The following LHFPL6 variants were observed in gnomAD, a reference collection of about 807,000 sequenced individuals.
LHFPL6 encodes the protein LHFPL tetraspan subfamily member 6 protein.
A neutral mutation model predicts 20.6 loss-of-function variants in LHFPL6; 9 were observed. That is an observed-to-expected ratio of 0.44 (90% CI 0.26 to 0.76). The LOEUF is 0.76. Among genes scored for constraint, LHFPL6 ranks in the 30% least tolerant of loss-of-function variants. The pLI is 0.20. For missense variants in LHFPL6, 218 were observed against 253.5 expected (o/e 0.86, Z 0.95); for synonymous variants, 105 against 98.7 (o/e 1.06, Z -0.38).
At position 39,603,033 on chromosome 13, in the gene LHFPL6, C is replaced by T. The variant is rs1873019759; in HGVS notation, c.-325G>A. 1 of 152,526 alleles carries T rather than the reference C, an allele frequency of 6.6e-6. No homozygotes were observed. The highest frequency in any genetic ancestry group is 2.4e-5 in the African/African-American group (1 of 41,448). 9.4% of individuals were successfully genotyped at this position (152,526 alleles called of 1,614,324 possible). On this transcript the variant is annotated 5_prime_UTR_variant, in exon 1 of 4. Coordinates refer to ENST00000379589, the MANE Select transcript of LHFPL6 (RefSeq NM_005780.3). Reference sequence around the variant, plus strand: ...ACAGCCGCAGAACCCCGGGGCCCGACCTGGAAGAGCAGGGGTTGGCAGGAG... The same window carrying T: ...ACAGCCGCAGAACCCCGGGGCCCGATCTGGAAGAGCAGGGGTTGGCAGGAG...
At chr13:39,474,649 C>A (rs979366776) in intron 2 of LHFPL6, among the ~76,000 whole-genome samples, 1 of 151,800 alleles carries the variant, frequency 6.6e-6, no homozygotes, top group African/African-American at 2.4e-5. Context: ...TCTGAATTGG[C>A]AATGAACAAA....
chr13:39,557,673 T>C (rs1420431507), intron 2 of LHFPL6, among the ~76,000 whole-genome samples: 1 of 152,266 alleles, frequency 6.6e-6, no homozygotes, highest in African/African-American at 2.4e-5. Flanking sequence ...TTTGGATATC[T>C]GACCCCTGCA....
chr13:39,602,802 A>G (rs538665999), intron 1 of LHFPL6, 81 bp downstream of exon 1: 3 of 152,186 alleles, frequency 2.0e-5, no homozygotes, highest in Admixed American at 6.5e-5. Flanking sequence ...GAGCAGCCCA[A>G]CTCCGGCTCC....
chr13:39,385,159 G>C (rs1467151176), intron 2 of LHFPL6, among the ~76,000 whole-genome samples: 1 of 152,196 alleles, frequency 6.6e-6, no homozygotes, highest in Non-Finnish European at 1.5e-5. Context: ...AAGGCCATGG[G>C]GAAGATTGTT....
rs566377809 is a variant in LHFPL6 at position 39,598,679 on chromosome 13, CGAA to C, written c.385+2150_385+2152del. ...CACGCCATTCTCCTGCCTCAGCCTC[CGAA>C]GTAGCAGGGACTACAGGCGCCCACC... On this transcript the variant is annotated intron_variant, in intron 2 of 3. Coordinates refer to ENST00000379589, the MANE Select transcript of LHFPL6 (RefSeq NM_005780.3). 7.8e-3 allele frequency among the ~76,000 whole-genome samples: 1,181 copies of C among 152,222 alleles called. 9 individuals are homozygous for C. The highest frequency in any genetic ancestry group is 0.022 in the South Asian group (105 of 4,822).
In LHFPL6 at chr13:39,343,873, G is replaced by A. The variant is rs562111601; in HGVS notation, c.*63C>T. 92 of 1,238,692 alleles carry A rather than the reference G, an allele frequency of 7.4e-5. No homozygotes were observed. Among genetic ancestry groups the A allele is most frequent in the Non-Finnish European group, 1.1e-4 (90 of 852,996 alleles). The allele number at this position is 1,238,692 out of a possible 1,614,324, so 76.7% of individuals were successfully genotyped here. ...TCCCACCTTTTGAAGGTAGGTGGAT[G>A]TTTTGACCTCTCCAAGCCCCTTTGG... On this transcript the variant is annotated 3_prime_UTR_variant, in exon 4 of 4. Transcript: ENST00000379589.
chr13:39,431,025 T>G (rs9315685), intron 2 of LHFPL6, among the ~76,000 whole-genome samples: 15,653 of 152,234 alleles, frequency 0.1, 1,007 homozygotes, highest in East Asian at 0.3. Flanking sequence ...GGTCTGCAGC[T>G]TCACTCCTGA....
intron 3 of LHFPL6, among the ~76,000 whole-genome samples, chr13:39,375,131 T>C (rs1339487678): frequency 1.3e-5 from 2 of 152,228 alleles, no homozygotes; most frequent in Non-Finnish European, 2.9e-5. Flanking sequence ...GTCTACGTGC[T>C]GTCTCCCTTG....
At chr13:39,599,954 A>G (rs897116318) in intron 2 of LHFPL6, among the ~76,000 whole-genome samples, 1 of 152,216 alleles carries the variant, frequency 6.6e-6, no homozygotes, top group Admixed American at 6.5e-5. Context: ...ACTCTGCACT[A>G]TCTATGGAGG....
chr13:39,566,023 T>A (rs957344856), intron 2 of LHFPL6, among the ~76,000 whole-genome samples: 4 of 152,244 alleles, frequency 2.6e-5, no homozygotes, highest in African/African-American at 9.6e-5. Context: ...CTAGGATCTA[T>A]CTGAAACATA....
In LHFPL6 at chr13:39,579,843, T is replaced by C. The variant is rs372329127; in HGVS notation, c.385+20989A>G. Among the ~76,000 whole-genome samples, 12 of 152,298 alleles carry C rather than the reference T, an allele frequency of 7.9e-5. No homozygotes were observed. The East Asian group carries it at 2.3e-3, about 29-fold the overall frequency. Reference sequence around the variant, plus strand: ...AAGCTTGCTGTTGGTAGAATAACAATGGCATCTTTCTGAGGAAAAGAGTCT... The same window carrying C: ...AAGCTTGCTGTTGGTAGAATAACAACGGCATCTTTCTGAGGAAAAGAGTCT... On this transcript the variant is annotated intron_variant, in intron 2 of 3. Transcript: ENST00000379589.
At chr13:39,361,781 G>A (rs1869876189) in intron 3 of LHFPL6, among the ~76,000 whole-genome samples, 1 of 152,204 alleles carries the variant, frequency 6.6e-6, no homozygotes, top group Non-Finnish European at 1.5e-5. Flanking sequence ...TATAAGGTCT[G>A]TAGATTAGAT....
At chr13:39,467,019 C>T (rs1030283948) in intron 2 of LHFPL6, among the ~76,000 whole-genome samples, 1 of 152,094 alleles carries the variant, frequency 6.6e-6, no homozygotes, top group African/African-American at 2.4e-5. Flanking sequence ...CATGGGTGTG[C>T]CACGCGAATA....
At chr13:39,347,575 A>G (rs1295993218) in intron 3 of LHFPL6, among the ~76,000 whole-genome samples, 1 of 152,090 alleles carries the variant, frequency 6.6e-6, no homozygotes, top group African/African-American at 2.4e-5. Context: ...TCACCTCTCC[A>G]CCTCTGGGTA....
intron 2 of LHFPL6, among the ~76,000 whole-genome samples, chr13:39,418,795 A>G (rs532432205): frequency 2.0e-5 from 3 of 152,276 alleles, no homozygotes; most frequent in Admixed American, 2.0e-4. Context: ...CTTCTACTCT[A>G]GTAATCTTTG....
intron 2 of LHFPL6, among the ~76,000 whole-genome samples, chr13:39,551,006 T>C (rs1871131595): frequency 1.3e-5 from 2 of 152,248 alleles, no homozygotes; most frequent in African/African-American, 4.8e-5. Flanking sequence ...TGTCATTTGC[T>C]CTCTTTTATA....
chr13:39,364,860 C>A (rs1593286410), intron 3 of LHFPL6, among the ~76,000 whole-genome samples: 1 of 152,138 alleles, frequency 6.6e-6, no homozygotes, highest in East Asian at 1.9e-4. Context: ...TCTGCTAGCA[C>A]AGCTGCTATC....
intron 2 of LHFPL6, among the ~76,000 whole-genome samples, chr13:39,588,294 C>T (rs758207487): frequency 6.6e-6 from 1 of 152,178 alleles, no homozygotes; most frequent in Non-Finnish European, 1.5e-5. Flanking sequence ...TATCCCAACA[C>T]GTAGCACATT....
At chr13:39,434,061 C>A (rs1305737581) in intron 2 of LHFPL6, among the ~76,000 whole-genome samples, 1 of 152,164 alleles carries the variant, frequency 6.6e-6, no homozygotes, top group Non-Finnish European at 1.5e-5. Context: ...CCTCCTGCAA[C>A]CACATCTACC....
Sources: allele counts gnomAD v4.1 joint callset (sites outside exome capture counted in the v4.1 genomes callset), GRCh38; gene constraint gnomAD v4.1.1; transcripts MANE v1.5; gene names NCBI Gene and HGNC (gene_info 2026-07-23, HGNC 2026-07-21).